The following AMZ1 variants were observed in gnomAD, a reference collection of about 807,000 sequenced individuals.
The protein encoded by AMZ1 is archaelysin family metallopeptidase 1, also known as archaemetzincin-1.
Under a neutral mutation model 29.9 loss-of-function variants are expected in AMZ1, and 39 were observed. The observed-to-expected ratio is 1.30, with a 90% CI of 1.01 to 1.70. AMZ1 has a LOEUF of 1.70. AMZ1 is among the 40% of genes most tolerant of loss of function. AMZ1 has a pLI of 0.00. For missense variants in AMZ1, 1,041 were observed against 680.6 expected, an observed-to-expected ratio of 1.53 and a Z score of -5.89; for synonymous variants, 458 against 304.0, an observed-to-expected ratio of 1.51 and a Z score of -5.27.
At chr7:2,709,499 G>T in intron 5 of AMZ1, 141 bp from the exon 6 acceptor site, 1 of 1,325,822 alleles carries the variant, frequency 7.5e-7, no homozygotes, top group East Asian at 2.4e-5. Context: ...GCCGCCTGGG[G>T]CAGGGGGAGG....
chr7:2,754,760 T>C (rs576893873), intron 4 of AMZ1, among the ~76,000 whole-genome samples: 1 of 152,220 alleles, frequency 6.6e-6, no homozygotes, highest in Admixed American at 6.5e-5. Context: ...AAAGGAGGAC[T>C]TTTGCAGAGC....
rs150519840 is a variant in AMZ1 at position 2,731,486 on chromosome 7, C to T, written n.550+21670C>T. ...ACGTTGAAGAAGAGCTTGTTGTTGA[C>T]GATGGTCTCGAAGATGTTCATGGAC... On this transcript the variant is annotated intron_variant and non_coding_transcript_variant, in intron 4 of 4. Transcript: ENST00000489665. This position sits in a 1 kb window ranked among gnomAD's most constrained non-coding sequence, Gnocchi z 6.0. The T allele has an allele frequency of 1.5e-5, 25 of 1,613,676 alleles. No homozygotes were observed. The highest frequency in any genetic ancestry group is 7.7e-5 in the South Asian group (7 of 91,058).
chr7:2,712,245 C>T, intron 6 of AMZ1, 85 bp from the exon 7 acceptor site: 1 of 1,408,374 alleles, frequency 7.1e-7, no homozygotes, highest in Non-Finnish European at 9.4e-7. Flanking sequence ...GGTGGGGTCC[C>T]CTTAGGTAAG....
upstream of AMZ1, among the ~76,000 whole-genome samples, chr7:2,683,573 G>T (rs888735176): frequency 6.6e-6 from 1 of 152,028 alleles, no homozygotes. Context: ...GAGTAGCTGG[G>T]ACTACAGGTG....
upstream of AMZ1, chr7:2,762,383 C>T (rs1791602442): frequency 2.2e-6 from 1 of 445,502 alleles, no homozygotes; most frequent in Non-Finnish European, 3.9e-6. Context: ...TGGCGGTTCC[C>T]ACTTTCCTCA....
intron 4 of AMZ1, among the ~76,000 whole-genome samples, chr7:2,733,897 T>C (rs1416280177): frequency 6.6e-6 from 1 of 152,246 alleles, no homozygotes; most frequent in Non-Finnish European, 1.5e-5. Flanking sequence ...ACAGTCTTGC[T>C]TCTGTCGAAG....
chr7:2,719,329 A>AC lies in AMZ1; in HGVS notation c.*6456dup, dbSNP rs1230173734. 6.6e-6 allele frequency among the ~76,000 whole-genome samples: 1 copy of AC among 152,048 alleles called. No homozygotes were observed. The highest frequency in any genetic ancestry group is 6.5e-5 in the Admixed American group (1 of 15,270). On this transcript the variant is annotated 3_prime_UTR_variant, in exon 7 of 7. Transcript: ENST00000683327. ...TGGCATAACCTGATGTCTGTCACGG[A>AC]CCCCCAAGCAGGAGCAATGCCTAAA...
chr7:2,735,651 G>C (rs973169793), intron 4 of AMZ1, among the ~76,000 whole-genome samples: 1 of 152,174 alleles, frequency 6.6e-6, no homozygotes, highest in Non-Finnish European at 1.5e-5. Flanking sequence ...CTTTCTCCAC[G>C]ATGACTGAAT....
chr7:2,707,770 C>A (rs1259501158), intron 3 of AMZ1, among the ~76,000 whole-genome samples: 1 of 151,514 alleles, frequency 6.6e-6, no homozygotes, highest in Non-Finnish European at 1.5e-5. Flanking sequence ...CTGCAGTGCC[C>A]TCAGGCCTCA....
rs867766709 is a variant in AMZ1 at position 2,700,696 on chromosome 7, C to A, written c.245C>A (p.Ala82Asp). ...CCCGAGGACTTCCAGACCTTCCACG[C>A]CTCCCTGCAGCACCGGAAGCCCCGC... ...EAPEDFQTFH[A>D]SLQHRKPRLA... Residue 82 changes from alanine (A) to aspartate (D), a missense_variant, in exon 2 of 7, where the codon GCC (alanine) becomes GAC (aspartate). Coordinates refer to ENST00000683327, the MANE Select transcript of AMZ1 (RefSeq NM_001384743.1). 4 of 1,613,180 alleles carry A rather than the reference C, an allele frequency of 2.5e-6. No homozygotes were observed. Among genetic ancestry groups the A allele is most frequent in the South Asian group, 1.1e-5 (1 of 91,080 alleles).
intron 3 of AMZ1, among the ~76,000 whole-genome samples, chr7:2,708,091 G>A (rs1041800877): frequency 6.6e-6 from 1 of 151,964 alleles, no homozygotes; most frequent in African/African-American, 2.4e-5. Flanking sequence ...CCGAGTTGCT[G>A]GCATCACAGG....
chr7:2,723,732 GGCACCGCGGCT>G (rs536937993), downstream of AMZ1, among the ~76,000 whole-genome samples: 125 of 152,356 alleles, frequency 8.2e-4, no homozygotes, highest in African/African-American at 2.8e-3. Context: ...CTGCAGGTCA[GGCACCGCGGCT>G]GTCCCCAGCA....
At chr7:2,680,829 G>T (rs1786855600) in intron 1 of AMZ1, among the ~76,000 whole-genome samples, 1 of 152,232 alleles carries the variant, frequency 6.6e-6, no homozygotes, top group African/African-American at 2.4e-5. Context: ...CCTCCCTGAC[G>T]ACCCTGCTGG....
intron 1 of AMZ1, among the ~76,000 whole-genome samples, chr7:2,696,534 G>A (rs1344613776): frequency 1.3e-5 from 2 of 150,996 alleles, no homozygotes; most frequent in African/African-American, 2.4e-5. Flanking sequence ...TGTGATTACA[G>A]GCGTGAGCCA....
intron 2 of AMZ1, among the ~76,000 whole-genome samples, chr7:2,700,956 T>A (rs1788020533): frequency 6.6e-6 from 1 of 152,126 alleles, no homozygotes; most frequent in African/African-American, 2.4e-5. Flanking sequence ...GACACGATGC[T>A]CAGACGGCCC....
In AMZ1 at chr7:2,712,465, A is replaced by C. The variant is rs1788849687; in HGVS notation, c.1084A>C (p.Thr362Pro). The change falls in exon 7 of 7, where the codon ACC (threonine) becomes CCC (proline). Residue 362 changes from threonine to proline, a missense_variant. Physicochemically the swap from Thr to Pro is conservative, Grantham distance 38. Transcript: ENST00000683327. The stretch of plus-strand genomic sequence containing the variant: ...CTGTGAGAGTGACTCGGAGCCCGGC[A>C]CCAGTGTGTCGGAGCCCCTCACCCC... ...MCCESDSEPG[T>P]SVSEPLTPDA... The C allele has an allele frequency of 6.2e-7, 1 of 1,611,046 alleles. No individual in the cohort carries two copies. The highest frequency in any genetic ancestry group is 1.7e-5 in the Admixed American group (1 of 59,940).
rs1270775279 is a variant in AMZ1 at position 2,704,410 on chromosome 7, T to G, written c.472+1521T>G. ...TCAGCTACTTGGGAGGCTGAGAGTT[T>G]GAAACTGCAGTGAGCTGTGATCGTG... On this transcript the variant is annotated intron_variant, in intron 3 of 6. Coordinates refer to ENST00000683327, the MANE Select transcript of AMZ1 (RefSeq NM_001384743.1). Among the ~76,000 whole-genome samples, 3 of 151,974 alleles carry G rather than the reference T, an allele frequency of 2.0e-5. No homozygotes were observed. In the East Asian group the frequency reaches 5.8e-4, roughly 29 times the overall value.
In AMZ1 at chr7:2,717,971, A is replaced by G. The variant is rs536279781; in HGVS notation, c.*5093A>G. ...CAAATCCAAATAGTCACCGGAGTCGAGCAAACACGGCGGCCCCTGCCTCCC... is the reference window on the plus strand; with the variant it reads ...CAAATCCAAATAGTCACCGGAGTCGGGCAAACACGGCGGCCCCTGCCTCCC... On this transcript the variant is annotated 3_prime_UTR_variant, in exon 7 of 7. Coordinates refer to ENST00000683327, the MANE Select transcript of AMZ1 (RefSeq NM_001384743.1). Among the ~76,000 whole-genome samples, 2 of 152,282 alleles carry G rather than the reference A, an allele frequency of 1.3e-5. No individual in the cohort carries two copies. The highest frequency in any genetic ancestry group is 2.1e-4 in the South Asian group (1 of 4,820).
upstream of AMZ1, chr7:2,763,025 G>A (rs1791641960): frequency 2.4e-6 from 3 of 1,263,394 alleles, no homozygotes; most frequent in South Asian, 3.2e-5. Context: ...CCGGCCACTG[G>A]CCCAGGACTC....
Sources: gnomAD v4.1 joint callset for allele counts (sites outside exome capture counted in the v4.1 genomes callset) on GRCh38, gnomAD v4.1.1 for gene constraint, Gnocchi (gnomAD v3.1) non-coding constraint, MANE v1.5 for transcripts, NCBI Gene and HGNC (gene_info 2026-07-23, HGNC 2026-07-21) for gene names.